The following RAP1GAP2 variants were observed in gnomAD, a reference collection of about 807,000 sequenced individuals.
RAP1GAP2 encodes rap1 GTPase-activating protein 2.
In RAP1GAP2, 27 loss-of-function variants were observed where a neutral mutation model predicts 95.0. That is an observed-to-expected ratio of 0.28 (90% confidence interval 0.21 to 0.39). RAP1GAP2 has a LOEUF of 0.39. Ranked by LOEUF, RAP1GAP2 falls within the 10% of genes least tolerant of loss-of-function variation. RAP1GAP2 has a pLI of 1.00. For synonymous variants in RAP1GAP2, 373 were observed against 380.9 expected, an observed-to-expected ratio of 0.98 and a Z score of 0.24; for missense variants, 771 against 970.0, an observed-to-expected ratio of 0.79 and a Z score of 2.72.
chr17:2,947,754 A>G (rs2043757240), intron 3 of RAP1GAP2, among the ~76,000 whole-genome samples: 1 of 151,958 alleles, frequency 6.6e-6, no homozygotes, highest in African/African-American at 2.4e-5. Flanking sequence ...TGGTCAGACG[A>G]CATGGGACAC....
chr17:2,957,667 C>T, intron 3 of RAP1GAP2, 92 bp from the exon 4 acceptor site: 1 of 1,387,740 alleles, frequency 7.2e-7, no homozygotes, highest in African/African-American at 1.5e-5. Context: ...AAGCCCCAGG[C>T]TCAGCTTCCT....
intron 2 of RAP1GAP2, among the ~76,000 whole-genome samples, chr17:2,858,968 G>C (rs186189162): frequency 6.6e-6 from 1 of 151,996 alleles, no homozygotes; most frequent in African/African-American, 2.4e-5. Context: ...AATTAACAGT[G>C]ATTTCTTAAT....
At chr17:2,957,836 C>A (rs1419375788) in intron 4 of RAP1GAP2, 42 bp downstream of exon 4, 1 of 1,551,766 alleles carries the variant, frequency 6.4e-7, no homozygotes, top group Admixed American at 1.9e-5. Context: ...AAGCCCAGCC[C>A]CAGATGTGGG....
At chr17:2,999,873 A>T (rs76764885) in intron 14 of RAP1GAP2, among the ~76,000 whole-genome samples, 2,383 of 152,194 alleles carry the variant, frequency 0.016, 55 homozygotes, top group African/African-American at 0.047. Context: ...TGATTCCTTC[A>T]TGCCCAGGCT....
At chr17:3,013,173 C>T (rs1221364971) in intron 17 of RAP1GAP2, among the ~76,000 whole-genome samples, 1 of 152,188 alleles carries the variant, frequency 6.6e-6, no homozygotes, top group East Asian at 1.9e-4. Context: ...CAGGAGGGGC[C>T]ACAGCTATCC....
intron 3 of RAP1GAP2, among the ~76,000 whole-genome samples, chr17:2,930,806 C>T (rs1294223573): frequency 1.3e-5 from 2 of 152,088 alleles, no homozygotes; most frequent in Non-Finnish European, 2.9e-5. Flanking sequence ...AAAACAAAAT[C>T]GAAACAAAGA....
chr17:2,815,210 G>A (rs2069953830), intron 2 of RAP1GAP2, among the ~76,000 whole-genome samples: 1 of 152,114 alleles, frequency 6.6e-6, no homozygotes, highest in Admixed American at 6.5e-5. Flanking sequence ...CAGCTGCACG[G>A]GAACCAGTGC....
At chr17:2,792,767 C>T (rs983889383), upstream of RAP1GAP2, among the ~76,000 whole-genome samples, 8 of 152,250 alleles carry the variant, frequency 5.3e-5, no homozygotes, top group African/African-American at 1.9e-4. Context: ...TGGGGGAAAC[C>T]AGCCTCAGGG....
intron 2 of RAP1GAP2, among the ~76,000 whole-genome samples, chr17:2,803,306 A>G (rs921282291): frequency 1.3e-5 from 2 of 152,202 alleles, no homozygotes; most frequent in Non-Finnish European, 2.9e-5. Flanking sequence ...TTATTGGTTA[A>G]GATTCCTTTG....
chr17:2,961,520 C>T (rs1567826765), intron 4 of RAP1GAP2, among the ~76,000 whole-genome samples: 1 of 149,092 alleles, frequency 6.7e-6, no homozygotes, highest in Non-Finnish European at 1.5e-5. Context: ...GTCTCAAAAA[C>T]AAAAACAAAC....
rs542515877 is a variant in RAP1GAP2, at chr17:3,031,043, G to T, written c.2184+45G>T. The T allele has an allele frequency of 9.2e-6, 14 of 1,521,012 alleles. No individual in the cohort carries two copies. The South Asian group carries it at 1.7e-4, about 18-fold the overall frequency. 94.2% of individuals were successfully genotyped at this position (1,521,012 alleles called of 1,614,324 possible). The stretch of plus-strand genomic sequence containing the variant: ...ACCCCACACTCCACTTTCTGCAGAG[G>T]CCCAGCCTTCCTTCCTGAGGCCAGA... On this transcript the variant is annotated intron_variant, in intron 23 of 24. Coordinates refer to ENST00000254695, the MANE Select transcript of RAP1GAP2 (RefSeq NM_015085.5).
At chr17:2,844,901 G>A (rs1046048943) in intron 2 of RAP1GAP2, among the ~76,000 whole-genome samples, 4 of 152,156 alleles carry the variant, frequency 2.6e-5, no homozygotes, top group African/African-American at 9.7e-5. Context: ...TAGGAGTCGG[G>A]TAAAAGGGTC....
intron 17 of RAP1GAP2, among the ~76,000 whole-genome samples, chr17:3,011,022 G>A (rs1290095516): frequency 1.3e-5 from 2 of 152,044 alleles, no homozygotes; most frequent in African/African-American, 4.8e-5. Flanking sequence ...TGCCTCCCGG[G>A]TTCAAGTGAT....
At chr17:2,757,070 A>T (rs980008881) in intron 1 of RAP1GAP2, among the ~76,000 whole-genome samples, 3 of 152,242 alleles carry the variant, frequency 2.0e-5, no homozygotes, top group African/African-American at 7.2e-5. Context: ...ATCACTCTTC[A>T]AGTGAAGCTC....
At chr17:2,931,207 A>G (rs887920943) in intron 3 of RAP1GAP2, among the ~76,000 whole-genome samples, 1 of 151,404 alleles carries the variant, frequency 6.6e-6, no homozygotes, top group Non-Finnish European at 1.5e-5. Flanking sequence ...CAGCTGGGTC[A>G]TGGTCCCCAC....
chr17:2,967,120 G>A (rs2044638847), intron 8 of RAP1GAP2, among the ~76,000 whole-genome samples: 1 of 152,166 alleles, frequency 6.6e-6, no homozygotes, highest in Non-Finnish European at 1.5e-5. Context: ...TGTAATCCCA[G>A]GACTTTGGGA....
rs1474854091 is a variant in RAP1GAP2 at position 2,903,130 on chromosome 17, T to TC, written c.81-2150dup. Among the ~76,000 whole-genome samples, 1 of 152,080 alleles carries TC rather than the reference T, an allele frequency of 6.6e-6. No homozygotes were observed. The highest frequency in any genetic ancestry group is 2.4e-5 in the African/African-American group (1 of 41,394). ...GCATCTGGTGGGGGCTTGTTTTACT[T>TC]CCCCTCCCTGCGTGCTTTTCCTTGC... On this transcript the variant is annotated intron_variant, in intron 2 of 24. Coordinates refer to ENST00000254695, the MANE Select transcript of RAP1GAP2 (RefSeq NM_015085.5). The surrounding 1 kb of genome is among the most constrained non-coding windows in gnomAD (Gnocchi z 4.1).
At chr17:2,760,060 G>T (rs936377150) in intron 1 of RAP1GAP2, among the ~76,000 whole-genome samples, 7 of 151,760 alleles carry the variant, frequency 4.6e-5, no homozygotes, top group African/African-American at 2.4e-5. Flanking sequence ...TTAAAATCTT[G>T]GCCAATCTCA....
intron 3 of RAP1GAP2, among the ~76,000 whole-genome samples, chr17:2,909,567 A>G (rs976139017): frequency 1.3e-5 from 2 of 152,184 alleles, no homozygotes; most frequent in African/African-American, 4.8e-5. Flanking sequence ...ATGATTTGTG[A>G]GCATCCACTG....
Sources: gnomAD v4.1 joint callset for allele counts (sites outside exome capture counted in the v4.1 genomes callset) on GRCh38, gnomAD v4.1.1 for gene constraint, Gnocchi (gnomAD v3.1) non-coding constraint, MANE v1.5 for transcripts, NCBI Gene and HGNC (gene_info 2026-07-23, HGNC 2026-07-21) for gene names.